Variants in HHAT observed in about 807,000 individuals in gnomAD.
HHAT encodes the protein hedgehog acyltransferase, also known as protein-cysteine N-palmitoyltransferase HHAT.
HHAT carries 47 observed loss-of-function variants against 70.8 expected under a neutral mutation model. That is an observed-to-expected ratio of 0.66 (90% CI 0.53 to 0.85). The LOEUF is 0.85. Ranked by LOEUF, HHAT falls within the 40% of genes least tolerant of loss-of-function variation. The probability of loss-of-function intolerance (pLI) is 0.00; values close to 1 mark genes in which losing one functional copy is unlikely to be tolerated. For synonymous variants in HHAT, 228 were observed against 247.6 expected (o/e 0.92, Z 0.74); for missense variants, 609 against 604.8 (o/e 1.01, Z -0.07).
At chr1:210,602,555 G>A (rs139556104) in intron 10 of HHAT, among the ~76,000 whole-genome samples, 10 of 152,246 alleles carry the variant, frequency 6.6e-5, no homozygotes, top group Admixed American at 2.0e-4. Flanking sequence ...GAAGAAGGGC[G>A]GTTAGAGAGG....
intron 8 of HHAT, among the ~76,000 whole-genome samples, chr1:210,491,550 T>C (rs1051340726): frequency 6.6e-6 from 1 of 152,160 alleles, no homozygotes; most frequent in Non-Finnish European, 1.5e-5. Context: ...TCTGTAAAAG[T>C]GGGATAATAG....
At chr1:210,472,607 C>T (rs1373347709) in intron 8 of HHAT, among the ~76,000 whole-genome samples, 4 of 152,156 alleles carry the variant, frequency 2.6e-5, no homozygotes, top group Admixed American at 6.5e-5. Flanking sequence ...ATGGTTCAGT[C>T]TGTGTCACAG....
At chr1:210,503,030 A>G (rs2094789279) in intron 8 of HHAT, among the ~76,000 whole-genome samples, 1 of 151,906 alleles carries the variant, frequency 6.6e-6, no homozygotes, top group South Asian at 2.1e-4. Flanking sequence ...CAGTGGCACA[A>G]TCCTGGCCCA....
intron 7 of HHAT, among the ~76,000 whole-genome samples, chr1:210,446,980 C>T (rs968447871): frequency 6.6e-6 from 1 of 152,136 alleles, no homozygotes; most frequent in African/African-American, 2.4e-5. Flanking sequence ...CAATAGATAG[C>T]TAATAATTGA....
chr1:210,583,211 C>A (rs1659660099), intron 9 of HHAT, among the ~76,000 whole-genome samples: 1 of 152,156 alleles, frequency 6.6e-6, no homozygotes, highest in African/African-American at 2.4e-5. Context: ...TATATAGATT[C>A]CTCCTCCTGA....
At position 210,555,674 on chromosome 1, in the gene HHAT, A is replaced by G. The variant is rs1315428529; in HGVS notation, c.1044-32224A>G. Among the ~76,000 whole-genome samples, 4 of 152,232 alleles carry G rather than the reference A, an allele frequency of 2.6e-5. No individual in the cohort carries two copies. The South Asian group carries it at 6.2e-4, about 24-fold the overall frequency. On this transcript the variant is annotated intron_variant, in intron 9 of 11. Transcript: ENST00000261458. ...ACTGTTAGATAACAGGCTGGAACCTATTGGGTATTACCAACAAACCATTGA... is the reference window on the plus strand; with the variant it reads ...ACTGTTAGATAACAGGCTGGAACCTGTTGGGTATTACCAACAAACCATTGA...
In HHAT at chr1:210,418,230, G is replaced by C. The variant is rs778740258; in HGVS notation, c.761G>C (p.Trp254Ser). The change falls in exon 7 of 12, where the codon TGG becomes TCG. Residue 254 changes from tryptophan to serine, a missense_variant. Physicochemically the swap from Trp to Ser is radical, Grantham distance 177 (BLOSUM62 -3). Coordinates refer to ENST00000261458, the MANE Select transcript of HHAT (RefSeq NM_018194.6). ...LALGLGRLLCWWWLAELMAHL... is the reference protein window; with the variant it reads ...LALGLGRLLCSWWLAELMAHL... ...CTGGGGCTGGGCCGCCTTCTTTGCT[G>C]GTGGTGGCTGGCCGAGCTGATGGCT... The C allele has an allele frequency of 5.0e-6, 8 of 1,613,996 alleles. No individual in the cohort carries two copies. The Admixed American group carries it at 8.3e-5, about 17-fold the overall frequency.
intron 7 of HHAT, among the ~76,000 whole-genome samples, chr1:210,455,029 C>T (rs61826932): frequency 0.11 from 16,351 of 152,224 alleles, 1,116 homozygotes; most frequent in Non-Finnish European, 0.16. Flanking sequence ...TGGCTCCTCT[C>T]ATTTAAGGAC....
chr1:210,572,448 C>T (rs753435870), intron 9 of HHAT, among the ~76,000 whole-genome samples: 32 of 152,152 alleles, frequency 2.1e-4, no homozygotes, highest in Non-Finnish European at 3.7e-4. Flanking sequence ...CCACTTTTAT[C>T]CCTTTCTGGG....
intron 10 of HHAT, among the ~76,000 whole-genome samples, chr1:210,609,349 A>G (rs1187288231): frequency 6.6e-6 from 1 of 152,068 alleles, no homozygotes; most frequent in East Asian, 1.9e-4. Context: ...AAATTGCTAA[A>G]GTTTACTCAT....
At chr1:210,422,090 G>C (rs1311550819) in intron 7 of HHAT, among the ~76,000 whole-genome samples, 1 of 151,960 alleles carries the variant, frequency 6.6e-6, no homozygotes, top group East Asian at 1.9e-4. Context: ...TTTAGTTATT[G>C]TGTACATTTG....
intron 8 of HHAT, among the ~76,000 whole-genome samples, chr1:210,494,217 G>C (rs1325522354): frequency 6.6e-6 from 1 of 152,172 alleles, no homozygotes; most frequent in Non-Finnish European, 1.5e-5. Context: ...AACAATTGTA[G>C]CATTAAGTAG....
intron 4 of HHAT, among the ~76,000 whole-genome samples, chr1:210,392,823 G>A (rs2091543183): frequency 6.6e-6 from 1 of 152,100 alleles, no homozygotes; most frequent in Admixed American, 6.5e-5. Context: ...TACAACCCTT[G>A]TTGAGAATGC....
chr1:210,395,389 C>T (rs2091726676), intron 4 of HHAT, among the ~76,000 whole-genome samples: 1 of 151,874 alleles, frequency 6.6e-6, no homozygotes, highest in Non-Finnish European at 1.5e-5. Context: ...GTATGGATTT[C>T]AAAAGAAAGG....
chr1:210,611,465 A>G (rs1666571549), intron 10 of HHAT, among the ~76,000 whole-genome samples: 1 of 152,054 alleles, frequency 6.6e-6, no homozygotes, highest in African/African-American at 2.4e-5. Flanking sequence ...AGATAATTTG[A>G]CTTCCTCTCT....
rs150156485 is a variant in HHAT at position 210,426,625 on chromosome 1, T to A, written c.856+8300T>A. 8.9e-3 allele frequency among the ~76,000 whole-genome samples: 1,356 copies of A among 152,336 alleles called. 22 individuals carry two copies. Among genetic ancestry groups the A allele is most frequent in the African/African-American group, 0.031 (1,297 of 41,582 alleles). ...CATGTGGTTTTTGTCTTTAGTTCTG[T>A]TTTTGTAATGAATTACATTTATTGA... On this transcript the variant is annotated intron_variant, in intron 7 of 11. Coordinates refer to ENST00000261458, the MANE Select transcript of HHAT (RefSeq NM_018194.6).
At chr1:210,472,762 T>C (rs74904280) in intron 8 of HHAT, among the ~76,000 whole-genome samples, 19,220 of 152,228 alleles carry the variant, frequency 0.13, 1,572 homozygotes, top group South Asian at 0.21. Flanking sequence ...CAAGGAGATA[T>C]AACACATCAA....
intron 8 of HHAT, among the ~76,000 whole-genome samples, chr1:210,489,007 A>G (rs1332718462): frequency 6.6e-6 from 1 of 152,176 alleles, no homozygotes; most frequent in African/African-American, 2.4e-5. Flanking sequence ...TCCATACTAA[A>G]AAGTGGATAA....
At chr1:210,385,500 GCTGT>G (rs2090978653) in intron 3 of HHAT, among the ~76,000 whole-genome samples, 1 of 152,102 alleles carries the variant, frequency 6.6e-6, no homozygotes, top group African/African-American at 2.4e-5. Flanking sequence ...GTGCTGCCTG[GCTGT>G]GTGTTTGTGG....
Sources: allele counts gnomAD v4.1 joint callset (sites outside exome capture counted in the v4.1 genomes callset), GRCh38; gene constraint gnomAD v4.1.1; transcripts MANE v1.5; gene names NCBI Gene and HGNC (gene_info 2026-07-23, HGNC 2026-07-21).